PCNX4: variants seen among roughly 807,000 people sequenced by gnomAD.
PCNX4 encodes the protein pecanex 4.
PCNX4 carries 103 observed loss-of-function variants against 107.2 expected under a neutral mutation model. The ratio of observed to expected loss-of-function variants is 0.96; its 90% CI spans 0.82 to 1.13. The LOEUF (loss-of-function observed/expected upper bound fraction) is 1.13, where lower values mean the gene tolerates loss of function less well. Among genes scored for constraint, PCNX4 ranks in the 50% most tolerant of loss-of-function variants. The pLI, the probability that PCNX4 is intolerant of heterozygous loss-of-function variation, is 0.00. For missense variants in PCNX4, 1,528 were observed against 1,379.4 expected (o/e 1.11, Z -1.71); for synonymous variants, 541 against 481.7 (o/e 1.12, Z -1.61).
chr14:60,139,872 G>A lies in PCNX4; in HGVS notation c.*5651G>A, dbSNP rs1341419714. 1 of 151,894 alleles carries A rather than the reference G, an allele frequency of 6.6e-6. No individual in the cohort carries two copies. The highest frequency in any genetic ancestry group is 6.6e-5 in the Admixed American group (1 of 15,258). The allele number at this position is 151,894 out of a possible 1,614,324, so 9.4% of individuals were successfully genotyped here. On this transcript the variant is annotated 3_prime_UTR_variant, in exon 11 of 11. Transcript: ENST00000406854. ...AATTAGAATATATTTGAACTGAGTA[G>A]TGAAAGTGCTACATGTCAAAACTTA...
chr14:60,138,559 A>C lies in PCNX4; in HGVS notation c.*4338A>C, dbSNP rs1896268411. 6.6e-6 allele frequency: 1 copy of C among 152,250 alleles called. No homozygotes were observed. Among genetic ancestry groups the C allele is most frequent in the African/African-American group, 2.4e-5 (1 of 41,470 alleles). The allele number at this position is 152,250 out of a possible 1,614,324, so 9.4% of individuals were successfully genotyped here. ...TCTCAACAGAAAATATGGGAAGCAG[A>C]AATCAATGGCATGATATTTTCAGGT... On this transcript the variant is annotated 3_prime_UTR_variant, in exon 11 of 11. Coordinates refer to ENST00000406854, the MANE Select transcript of PCNX4 (RefSeq NM_001330177.2).
At chr14:60,117,208 C>T (rs1289862550) in intron 6 of PCNX4, among the ~76,000 whole-genome samples, 1 of 151,896 alleles carries the variant, frequency 6.6e-6, no homozygotes, top group Non-Finnish European at 1.5e-5. Flanking sequence ...ATTCATTCAC[C>T]ACTCACTCAC....
intron 1 of PCNX4, among the ~76,000 whole-genome samples, chr14:60,102,320 T>TA (rs1198723582): frequency 1.5e-4 from 9 of 59,976 alleles, no homozygotes; most frequent in African/African-American, 2.0e-4. Flanking sequence ...ATGATAGATT[T>TA]AAAAAAACTT....
Position 60,144,244 on chromosome 14 carries a change from G to A in PCNX4, c.*10023G>A, listed in dbSNP as rs1189127281. 1 of 152,144 alleles carries A rather than the reference G, an allele frequency of 6.6e-6. No homozygotes were observed. Among genetic ancestry groups the A allele is most frequent in the African/African-American group, 2.4e-5 (1 of 41,424 alleles). 9.4% of individuals were successfully genotyped at this position (152,144 alleles called of 1,614,324 possible). ...AGAGTATAAGCATCTTGGAGGTAAG[G>A]TCATTTCAAATACTTCTTTATATCT... On this transcript the variant is annotated 3_prime_UTR_variant, in exon 11 of 11. Coordinates refer to ENST00000406854, the MANE Select transcript of PCNX4 (RefSeq NM_001330177.2).
intron 1 of PCNX4, among the ~76,000 whole-genome samples, chr14:60,104,492 A>G (rs926700891): frequency 3.9e-5 from 6 of 152,216 alleles, no homozygotes; most frequent in African/African-American, 1.4e-4. Context: ...TGGGGAATCA[A>G]GAATCTCAAG....
rs752534167 is a variant in PCNX4, at chr14:60,107,941, A to G, written c.303A>G (p.Val101=). The change falls in exon 2 of 11, where the codon GTA becomes GTG. Residue 101 remains valine, a synonymous_variant. Transcript: ENST00000406854. ...ACGCCAAAAACAAATCAACAACAGT[A>G]GAAAGAATACTAACCACGGATATCT... ...SLYAKNKSTT[V]ERILTTDILA... 1.9e-6 allele frequency: 3 copies of G among 1,612,914 alleles called. No individual in the cohort carries two copies. In the South Asian group the frequency reaches 3.3e-5, roughly 18 times the overall value.
intron 1 of PCNX4, among the ~76,000 whole-genome samples, chr14:60,093,255 C>G (rs1163807843): frequency 6.6e-6 from 1 of 152,060 alleles, no homozygotes; most frequent in Admixed American, 6.5e-5. Context: ...TACAATTCAC[C>G]CATTTATAGA....
chr14:60,107,166 G>A (rs1345825842), intron 1 of PCNX4, among the ~76,000 whole-genome samples: 1 of 152,140 alleles, frequency 6.6e-6, no homozygotes, highest in East Asian at 1.9e-4. Context: ...AGGAACACTT[G>A]AGCCCAGATA....
chr14:60,100,266 G>A (rs1255191865), intron 1 of PCNX4, among the ~76,000 whole-genome samples: 5 of 151,050 alleles, frequency 3.3e-5, no homozygotes, highest in Non-Finnish European at 5.9e-5. Context: ...ACACACACAC[G>A]CCCCCAAACA....
chr14:60,148,165 C>A lies in PCNX4; in HGVS notation c.*13944C>A, dbSNP rs1595190098. The A allele has an allele frequency of 6.6e-6, 1 of 152,046 alleles. No homozygotes were observed. The highest frequency in any genetic ancestry group is 1.9e-4 in the East Asian group (1 of 5,202). The allele number at this position is 152,046 out of a possible 1,614,324, so 9.4% of individuals were successfully genotyped here. On this transcript the variant is annotated 3_prime_UTR_variant, in exon 11 of 11. Coordinates refer to ENST00000406854, the MANE Select transcript of PCNX4 (RefSeq NM_001330177.2). This position sits in a 1 kb window ranked among gnomAD's most constrained non-coding sequence, Gnocchi z 4.8. ...TTTTGTTGTGTTTGTAACTTTTTAC[C>A]CCCTAATTCATTTTCACTGTCCTGC...
chr14:60,095,372 G>A (rs573859387), intron 1 of PCNX4, among the ~76,000 whole-genome samples: 1 of 152,336 alleles, frequency 6.6e-6, no homozygotes, highest in African/African-American at 2.4e-5. Flanking sequence ...TGGTGGGCCA[G>A]GGGTAACTGC....
At chr14:60,100,882 A>G (rs1320678907) in intron 1 of PCNX4, among the ~76,000 whole-genome samples, 1 of 152,248 alleles carries the variant, frequency 6.6e-6, no homozygotes. Context: ...AAAAATCCAC[A>G]TTCTATAATG....
rs766784651 is a variant in PCNX4, at chr14:60,118,547, C to G, written c.1797C>G (p.Phe599Leu). Residue 599 changes from phenylalanine (F) to leucine (L), a missense_variant, in exon 7 of 11, where the codon TTC (phenylalanine) becomes TTG (leucine). Physicochemically the swap from Phe to Leu is conservative, Grantham distance 22 (BLOSUM62 0). Transcript: ENST00000406854. ...TCCCTCTTTTCACCCTTCCTGTGTT[C>G]TTGGTGGGGTTTCCCCGACCTATTC... The part of the protein sequence containing the change: ...PLLPLFTLPV[F>L]LVGFPRPIQS... 43 of 1,613,720 alleles carry G rather than the reference C, an allele frequency of 2.7e-5. No homozygotes were observed. The Middle Eastern group carries it at 1.3e-3, about 49-fold the overall frequency.
Position 60,117,124 on chromosome 14 carries a change from T to C in PCNX4, c.1578+1064T>C, listed in dbSNP as rs1895864872. Among the ~76,000 whole-genome samples the C allele has an allele frequency of 2.0e-5, 3 of 152,138 alleles. No homozygotes were observed. The South Asian group carries it at 6.2e-4, about 31-fold the overall frequency. On this transcript the variant is annotated intron_variant, in intron 6 of 10. Transcript: ENST00000406854. Reference sequence around the variant, plus strand: ...TGAAGAATGAAAAATATTTTAAAAATAAATTTAGAGTAACCTAAGAGTACA... The same window carrying C: ...TGAAGAATGAAAAATATTTTAAAAACAAATTTAGAGTAACCTAAGAGTACA...
chr14:60,114,649 A>T, intron 2 of PCNX4, 51 bp from the exon 3 acceptor site: 983 of 1,217,306 alleles, frequency 8.1e-4, no homozygotes, highest in Non-Finnish European at 1.1e-3. Context: ...TTCTTAAAAG[A>T]TCCTCTTCTA....
Position 60,108,210 on chromosome 14 carries a change from T to C in PCNX4, c.572T>C (p.Leu191Ser). 1 of 1,612,808 alleles carries C rather than the reference T, an allele frequency of 6.2e-7. No homozygotes were observed. Among genetic ancestry groups the C allele is most frequent in the Non-Finnish European group, 8.5e-7 (1 of 1,179,798 alleles). Residue 191 changes from leucine to serine, a missense_variant, in exon 2 of 11, where the codon TTA becomes TCA. Leu to Ser is a moderately radical substitution (Grantham distance 145). Transcript: ENST00000406854. Reference sequence around the variant, plus strand: ...ACACTATGTATAGCAGAATATTCTTTAATTGTAAACACAGCTACAGAGACT... The same window carrying C: ...ACACTATGTATAGCAGAATATTCTTCAATTGTAAACACAGCTACAGAGACT... ...WMTLCIAEYSLIVNTATETAT... is the reference protein window; with the variant it reads ...WMTLCIAEYSSIVNTATETAT...
rs1208766481 is a variant in PCNX4, at chr14:60,134,181, C to T, written c.3479C>T (p.Pro1160Leu). 9 of 1,613,490 alleles carry T rather than the reference C, an allele frequency of 5.6e-6. No individual in the cohort carries two copies. Among genetic ancestry groups the T allele is most frequent in the South Asian group, 2.2e-5 (2 of 91,078 alleles). Residue 1160 changes from proline (P) to leucine (L), a missense_variant, in exon 11 of 11, where the codon CCG becomes CTG. By Grantham distance (98) the Pro-to-Leu change is moderately conservative. Coordinates refer to ENST00000406854, the MANE Select transcript of PCNX4 (RefSeq NM_001330177.2). ...GCAGCAGAACCTCCCCTGGGATATC[C>T]GATTTATTCTTCAAAACCTCTCCAC... ...VQAAEPPLGY[P>L]IYSSKPLHIH...
chr14:60,134,409 A>T lies in PCNX4; in HGVS notation c.*188A>T. 1.6e-6 allele frequency: 1 copy of T among 631,840 alleles called. No homozygotes were observed. Among genetic ancestry groups the T allele is most frequent in the Non-Finnish European group, 2.6e-6 (1 of 382,612 alleles). The allele number at this position is 631,840 out of a possible 1,614,324, so 39.1% of individuals were successfully genotyped here. A position where few individuals can be genotyped will look rare whatever the true frequency, so the allele number is the denominator to read the frequency against. On this transcript the variant is annotated 3_prime_UTR_variant, in exon 11 of 11. Transcript: ENST00000406854. ...TCTAAAAAACAGCAAAAACATCTTT[A>T]TGTCTAAGATAAAAGAACTATTTGG...
chr14:60,132,695 GC>G (rs772893303), intron 10 of PCNX4, among the ~76,000 whole-genome samples: 4 of 151,858 alleles, frequency 2.6e-5, no homozygotes, highest in Non-Finnish European at 5.9e-5. Context: ...AAAAATATTT[GC>G]CCATATCTGA....
Sources: allele counts gnomAD v4.1 joint callset (sites outside exome capture counted in the v4.1 genomes callset), GRCh38; gene constraint gnomAD v4.1.1; non-coding constraint Gnocchi (gnomAD v3.1); transcripts MANE v1.5; gene names NCBI Gene and HGNC (gene_info 2026-07-23, HGNC 2026-07-21).